Variants in MCM7 observed in about 807,000 individuals in gnomAD.
MCM7 encodes the protein DNA replication licensing factor MCM7.
In MCM7, 95 loss-of-function variants were observed where a neutral mutation model predicts 83.5. The observed-to-expected ratio is 1.14, with a 90% CI of 0.96 to 1.35. MCM7 has a LOEUF of 1.35. Among genes scored for constraint, MCM7 ranks in the 40% most tolerant of loss-of-function variants. The pLI is 0.00. For missense variants in MCM7, 1,087 were observed against 957.4 expected (o/e 1.14, Z -1.79); for synonymous variants, 461 against 352.7 (o/e 1.31, Z -3.44).
chr7:100,097,971 T>G, intron 7 of MCM7, 23 bp from the exon 8 acceptor site: 2 of 1,607,270 alleles, frequency 1.2e-6, no homozygotes, highest in Non-Finnish European at 1.7e-6. Context: ...AATGCCAGGA[T>G]ACAGATGTAA....
Position 100,095,382 on chromosome 7 carries a change from C to A in MCM7, c.1679+5G>T. 1 of 1,611,754 alleles carries A rather than the reference C, an allele frequency of 6.2e-7. No individual in the cohort carries two copies. The highest frequency in any genetic ancestry group is 8.5e-7 in the Non-Finnish European group (1 of 1,179,288). ...CGTTTGCCCACCCGCACCCAGCTCTCCTACCTCATGAGCTTCATGTCCAGA... is the reference window on the plus strand; with the variant it reads ...CGTTTGCCCACCCGCACCCAGCTCTACTACCTCATGAGCTTCATGTCCAGA... On this transcript the variant is annotated splice_donor_5th_base_variant and intron_variant, in intron 12 of 14. Coordinates refer to ENST00000303887, the MANE Select transcript of MCM7 (RefSeq NM_005916.5).
In MCM7 at chr7:100,098,222, C is replaced by G. The variant is rs983720010; in HGVS notation, c.789G>C (p.Arg263Ser). ...TGACGTGGTCTCCAGGCTGGGCAAT[C>G]CTTGTGTTCTCTCCTTCTACCAGCA... ...ITVLVEGENT[R>S]IAQPGDHVSV... The change falls in exon 7 of 15, where the codon AGG (arginine) becomes AGC (serine). Residue 263 changes from arginine to serine, a missense_variant. Transcript: ENST00000303887. The G allele has an allele frequency of 1.9e-6, 3 of 1,614,106 alleles. No individual in the cohort carries two copies. Among genetic ancestry groups the G allele is most frequent in the Non-Finnish European group, 2.5e-6 (3 of 1,180,012 alleles).
chr7:100,101,086 C>T (rs1795995096), intron 1 of MCM7, 178 bp downstream of exon 1: 1 of 768,218 alleles, frequency 1.3e-6, no homozygotes, highest in African/African-American at 1.8e-5. Flanking sequence ...CATCGATGGC[C>T]CCCCGCACGC....
At chr7:100,098,552 C>T in intron 6 of MCM7, 26 bp downstream of exon 6, 1 of 1,613,732 alleles carries the variant, frequency 6.2e-7, no homozygotes, top group Non-Finnish European at 8.5e-7. Flanking sequence ...GATCCACCTG[C>T]CCAGGGCCAC....
rs936308465 is a variant in MCM7, at chr7:100,099,591, C to T, written c.274G>A (p.Glu92Lys). ...GCCATTGTTCTCTAACCACTCACTT[C>T]CCTCTCCTTGTACTGAGGCAGCAGC... ...QELLPQYKER[E>K]VVNKDVLDVY... The change falls in exon 3 of 15, where the codon GAA becomes AAA. Residue 92 changes from glutamate to lysine, a missense_variant and splice_region_variant. Glu to Lys is a moderately conservative substitution (Grantham distance 56). Transcript: ENST00000303887. 1.2e-5 allele frequency: 19 copies of T among 1,613,728 alleles called. No individual in the cohort carries two copies. The highest frequency in any genetic ancestry group is 1.5e-5 in the Non-Finnish European group (18 of 1,179,964).
At chr7:100,096,545 A>G (rs528188652) in intron 10 of MCM7, among the ~76,000 whole-genome samples, 1 of 152,270 alleles carries the variant, frequency 6.6e-6, no homozygotes, top group Admixed American at 6.5e-5. Flanking sequence ...GCCGATAACA[A>G]GGCGGGCAGA....
intron 13 of MCM7, 76 bp downstream of exon 13, chr7:100,094,097 C>A (rs537716265): frequency 6.3e-7 from 1 of 1,576,282 alleles, no homozygotes; most frequent in Non-Finnish European, 8.7e-7. Flanking sequence ...GGTGGGGAGG[C>A]GGCAATGAGA....
chr7:100,095,564 C>A, intron 11 of MCM7, 94 bp from the exon 12 acceptor site: 1 of 1,368,110 alleles, frequency 7.3e-7, no homozygotes. Context: ...CACTTCCTCA[C>A]AGTGTAGGAG....
rs1795385119 is a variant in MCM7 at position 100,092,853 on chromosome 7, C to G, written c.*79G>C. On this transcript the variant is annotated 3_prime_UTR_variant, in exon 15 of 15. Coordinates refer to ENST00000303887, the MANE Select transcript of MCM7 (RefSeq NM_005916.5). The stretch of plus-strand genomic sequence containing the variant: ...GGAGAAAGAGGGGCTCCTCCTTCCC[C>G]TCAAAGGCATCACTGCCCCTTCCCA... 6.7e-7 allele frequency: 1 copy of G among 1,490,956 alleles called. No homozygotes were observed. The highest frequency in any genetic ancestry group is 1.1e-5 in the South Asian group (1 of 87,788). 92.4% of individuals were successfully genotyped at this position (1,490,956 alleles called of 1,614,324 possible).
intron 1 of MCM7, 90 bp from the exon 2 acceptor site, chr7:100,100,183 TTAATAATATGAGCATTTAA>T: frequency 2.0e-6 from 3 of 1,518,280 alleles, no homozygotes; most frequent in Non-Finnish European, 2.7e-6. Flanking sequence ...TATGAACTAA[TTAATAATATGAGCATTTAA>T]ATAAACCTAC....
At chr7:100,098,749 C>A in intron 5 of MCM7, 34 bp from the exon 6 acceptor site, 1 of 1,611,678 alleles carries the variant, frequency 6.2e-7, no homozygotes, top group South Asian at 1.1e-5. Flanking sequence ...CAAAGGAACT[C>A]AGAAGGAAAA....
rs1795878882 is a variant in MCM7, at chr7:100,100,050, T to C, written c.75A>G (p.Glu25=). ...KFLQEFYQDD[E]LGKKQFKYGN... ...CATACTTGAACTGCTTCTTCCCGAGTTCATCATCCTGGTAGAACTCTTGTA... is the reference window on the plus strand; with the variant it reads ...CATACTTGAACTGCTTCTTCCCGAGCTCATCATCCTGGTAGAACTCTTGTA... Residue 25 remains glutamate, a synonymous_variant, in exon 2 of 15, where the codon GAA becomes GAG. Coordinates refer to ENST00000303887, the MANE Select transcript of MCM7 (RefSeq NM_005916.5). The C allele has an allele frequency of 6.2e-7, 1 of 1,614,026 alleles. No homozygotes were observed. The highest frequency in any genetic ancestry group is 1.3e-5 in the African/African-American group (1 of 74,912).
rs374045082 is a variant in MCM7, at chr7:100,093,494, G to C, written c.1849-93C>G. The C allele has an allele frequency of 9.8e-5, 114 of 1,165,354 alleles. 1 individual carries two copies. The highest frequency in any genetic ancestry group is 1.4e-4 in the Non-Finnish European group (106 of 772,038). The allele number at this position is 1,165,354 out of a possible 1,614,324, so 72.2% of individuals were successfully genotyped here. ...CTTGTTCTGGCTTTAAGGCTGGGCA[G>C]CCCATGGGTCGCCTACTCACAAAAC... is the stretch of plus-strand genomic sequence containing the variant. On this transcript the variant is annotated intron_variant, in intron 13 of 14. Transcript: ENST00000303887.
chr7:100,098,912 C>T (rs1795785086), intron 5 of MCM7, 111 bp downstream of exon 5: 3 of 1,461,308 alleles, frequency 2.1e-6, no homozygotes, highest in Admixed American at 2.0e-5. Context: ...GAAAGGCGAA[C>T]ACACAGGCAA....
intron 11 of MCM7, 36 bp downstream of exon 11, chr7:100,095,738 C>T: frequency 2.0e-6 from 3 of 1,537,708 alleles, no homozygotes; most frequent in Non-Finnish European, 2.6e-6. Flanking sequence ...CAGATCATTA[C>T]AGGGGACCTC....
intron 10 of MCM7, among the ~76,000 whole-genome samples, chr7:100,096,419 A>T (rs1795638709): frequency 1.3e-5 from 2 of 152,146 alleles, no homozygotes; most frequent in African/African-American, 4.8e-5. Context: ...CTCCGGCCTC[A>T]GCCTCCCAAG....
chr7:100,097,408 G>C (rs755748994), intron 9 of MCM7, 24 bp from the exon 10 acceptor site: 2 of 1,611,284 alleles, frequency 1.2e-6, no homozygotes, highest in Non-Finnish European at 1.7e-6. Flanking sequence ...AGGCAGCCCT[G>C]GAATGACTCT....
At chr7:100,096,408 C>T (rs2116569813) in intron 10 of MCM7, among the ~76,000 whole-genome samples, 1 of 152,290 alleles carries the variant, frequency 6.6e-6, no homozygotes, top group Non-Finnish European at 1.5e-5. Flanking sequence ...CTCAAGCCAT[C>T]CTCCGGCCTC....
intron 12 of MCM7, among the ~76,000 whole-genome samples, chr7:100,094,704 G>A (rs1202547738): frequency 6.6e-6 from 1 of 152,174 alleles, no homozygotes; most frequent in Non-Finnish European, 1.5e-5. Flanking sequence ...TTAAAAGGGA[G>A]TAAAAACCGG....
Sources: gnomAD v4.1 joint callset for allele counts (sites outside exome capture counted in the v4.1 genomes callset) on GRCh38, gnomAD v4.1.1 for gene constraint, MANE v1.5 for transcripts, NCBI Gene and HGNC (gene_info 2026-07-23, HGNC 2026-07-21) for gene names.